The following HMGB1 variants were observed in gnomAD, a reference collection of about 807,000 sequenced individuals.
HMGB1 encodes high mobility group box 1, also known as high mobility group protein B1.
For synonymous variants in HMGB1, 81 were observed against 84.0 expected (o/e 0.96, Z 0.19); for missense variants, 79 against 253.5 (o/e 0.31, Z 4.67).
upstream of HMGB1, among the ~76,000 whole-genome samples, chr13:30,466,181 T>C (rs929242742): frequency 2.6e-5 from 4 of 152,170 alleles, no homozygotes; most frequent in Non-Finnish European, 5.9e-5. Flanking sequence ...ATGGTGTATG[T>C]GTGCATGTGT....
chr13:30,488,643 ATTT>A (rs1008680504), intron 1 of HMGB1, among the ~76,000 whole-genome samples: 5 of 129,266 alleles, frequency 3.9e-5, no homozygotes, highest in East Asian at 2.2e-4. Context: ...CTAATTTTTA[ATTT>A]TATTATTATT....
At chr13:30,537,157 G>A (rs1375209535) in intron 1 of HMGB1, among the ~76,000 whole-genome samples, 1 of 152,110 alleles carries the variant, frequency 6.6e-6, no homozygotes, top group East Asian at 1.9e-4. Flanking sequence ...GAATGTTACA[G>A]GCATTTCTCC....
intron 1 of HMGB1, among the ~76,000 whole-genome samples, chr13:30,525,864 C>G (rs1209749419): frequency 2.8e-5 from 4 of 142,638 alleles, no homozygotes; most frequent in African/African-American, 5.1e-5. Context: ...TGTGGGGGGA[C>G]ACAAAGCCTA....
intron 1 of HMGB1, among the ~76,000 whole-genome samples, chr13:30,582,190 G>T (rs900197507): frequency 2.6e-4 from 39 of 152,268 alleles, no homozygotes; most frequent in African/African-American, 9.1e-4. Context: ...ATCCAGGAAT[G>T]TTGCTAAAAC....
At chr13:30,565,720 A>ATGTCTGAT (rs1337625566) in intron 1 of HMGB1, among the ~76,000 whole-genome samples, 2 of 152,162 alleles carry the variant, frequency 1.3e-5, no homozygotes, top group African/African-American at 4.8e-5. Context: ...AGCAAAAAAG[A>ATGTCTGAT]TGTCTGATAT....
chr13:30,553,733 G>A (rs1327086151), intron 1 of HMGB1: 44 of 1,288,198 alleles, frequency 3.4e-5, no homozygotes, highest in Admixed American at 8.5e-5. Context: ...GGCAGCTGCC[G>A]TACTTGGAAA....
chr13:30,502,296 C>T (rs1002970167), intron 1 of HMGB1, among the ~76,000 whole-genome samples: 1 of 152,128 alleles, frequency 6.6e-6, no homozygotes, highest in African/African-American at 2.4e-5. Context: ...AGGATTACAG[C>T]AGTGAATAAA....
At chr13:30,555,975 A>C (rs1474622439) in intron 1 of HMGB1, among the ~76,000 whole-genome samples, 1 of 152,252 alleles carries the variant, frequency 6.6e-6, no homozygotes. Flanking sequence ...TATTCAAAAG[A>C]AAAATTCTAT....
At chr13:30,617,407 G>A (rs1387144864) in exon 1 of HMGB1, 4 of 152,020 alleles carry the variant, frequency 2.6e-5, no homozygotes, top group East Asian at 3.9e-4. Flanking sequence ...ACGGATGCCC[G>A]GCGCGGCCCA....
At chr13:30,540,365 ATG>A (rs1868810002) in intron 1 of HMGB1, 1 of 159,180 alleles carries the variant, frequency 6.3e-6, no homozygotes, top group African/African-American at 2.4e-5. Context: ...ACACTGGGGG[ATG>A]TGTCTTTCCC....
intron 1 of HMGB1, among the ~76,000 whole-genome samples, chr13:30,563,677 A>G (rs1198252021): frequency 6.6e-6 from 1 of 152,238 alleles, no homozygotes; most frequent in African/African-American, 2.4e-5. Flanking sequence ...ACAGCCATGC[A>G]CTTCAAAGGC....
At chr13:30,599,296 C>G (rs747504876) in intron 1 of HMGB1, among the ~76,000 whole-genome samples, 3 of 152,006 alleles carry the variant, frequency 2.0e-5, no homozygotes, top group African/African-American at 4.8e-5. Context: ...TGGAGAAACC[C>G]CGTCTCTACT....
chr13:30,517,736 AGGTTATGCTTGTTCT>A (rs1300429262), intron 1 of HMGB1, among the ~76,000 whole-genome samples: 2 of 152,194 alleles, frequency 1.3e-5, no homozygotes, highest in Non-Finnish European at 2.9e-5. Context: ...ATTTTGCTGT[AGGTTATGCTTGTTCT>A]GGTTCTGCAT....
At chr13:30,469,074 A>T (rs1364720560), upstream of HMGB1, among the ~76,000 whole-genome samples, 3 of 151,868 alleles carry the variant, frequency 2.0e-5, no homozygotes, top group South Asian at 2.1e-4. Flanking sequence ...TGAATTTTTG[A>T]TAGAGACGGT....
chr13:30,538,979 C>G (rs2137498990), intron 1 of HMGB1, among the ~76,000 whole-genome samples: 1 of 152,256 alleles, frequency 6.6e-6, no homozygotes, highest in African/African-American at 2.4e-5. Flanking sequence ...TCACTGCAAC[C>G]TCCACCTCCC....
chr13:30,583,839 AAAAGAAAG>A (rs753686706), intron 1 of HMGB1, among the ~76,000 whole-genome samples: 3,465 of 137,538 alleles, frequency 0.025, 174 homozygotes, highest in East Asian at 0.18. Context: ...AAAAAAAAAA[AAAAGAAAG>A]AAAGAAAGAA....
chr13:30,538,846 T>C (rs573815839), intron 1 of HMGB1, among the ~76,000 whole-genome samples: 12 of 151,304 alleles, frequency 7.9e-5, no homozygotes, highest in Admixed American at 5.9e-4. Context: ...TTTTCGAAGA[T>C]GATACAAAGA....
At position 30,458,061 on chromosome 13, in the gene HMGB1, T is replaced by C. The variant is rs1419480921; in HGVS notation, c.*3296A>G. 6.6e-6 allele frequency: 1 copy of C among 152,192 alleles called. No individual in the cohort carries two copies. Among genetic ancestry groups the C allele is most frequent in the Non-Finnish European group, 1.5e-5 (1 of 68,024 alleles). 9.4% of individuals were successfully genotyped at this position (152,192 alleles called of 1,614,324 possible). A position where few individuals can be genotyped will look rare whatever the true frequency, so the allele number is the denominator to read the frequency against. On this transcript the variant is annotated 3_prime_UTR_variant, in exon 5 of 5. Coordinates refer to ENST00000341423, the MANE Select transcript of HMGB1 (RefSeq NM_002128.7). The stretch of plus-strand genomic sequence containing the variant: ...TACCAAAGGCTCACATTTTAGCAAG[T>C]TAATTCTAAGACTTAAGCTGTGTAC...
In HMGB1 at chr13:30,493,929, C is replaced by T. The variant is rs577642396; in HGVS notation, c.-14-30235G>A. ...AGGATTTCAAGACCAGATTGGGCAA[C>T]GTAGTGAAATGTCATTAAAAAAAAA... is the stretch of plus-strand genomic sequence containing the variant. On this transcript the variant is annotated intron_variant, in intron 1 of 4. Coordinates refer to the HMGB1 transcript ENST00000405805. Among the ~76,000 whole-genome samples, 7 of 149,712 alleles carry T rather than the reference C, an allele frequency of 4.7e-5. No homozygotes were observed. In the East Asian group the frequency reaches 9.8e-4, roughly 21 times the overall value.
Sources: gnomAD v4.1 joint callset for allele counts (sites outside exome capture counted in the v4.1 genomes callset) on GRCh38, gnomAD v4.1.1 for gene constraint, MANE v1.5 for transcripts, NCBI Gene and HGNC (gene_info 2026-07-23, HGNC 2026-07-21) for gene names.